Variants in NLRC4 observed in about 807,000 individuals in gnomAD.
The protein encoded by NLRC4 is NLR family CARD domain containing 4.
Under a neutral mutation model 79.9 loss-of-function variants are expected in NLRC4, and 63 were observed. The ratio of observed to expected loss-of-function variants is 0.79; its 90% CI spans 0.64 to 0.97. The LOEUF (loss-of-function observed/expected upper bound fraction) is 0.97, where lower values mean the gene tolerates loss of function less well. NLRC4 is among the 50% of genes least tolerant of loss of function. NLRC4 has a pLI of 0.00. For missense variants in NLRC4, 1,074 were observed against 1,215.2 expected (o/e 0.88, Z 1.73); for synonymous variants, 461 against 456.5 (o/e 1.01, Z -0.12).
intron 4 of NLRC4, among the ~76,000 whole-genome samples, chr2:32,241,369 C>CTT (rs34150887): frequency 0.015 from 1,135 of 74,348 alleles, 23 homozygotes; most frequent in African/African-American, 0.037. Flanking sequence ...AAAAAATTTC[C>CTT]TTTTTTTTTT....
At chr2:32,235,670 C>G in intron 7 of NLRC4, 102 bp from the exon 8 acceptor site, 1 of 923,834 alleles carries the variant, frequency 1.1e-6, no homozygotes, top group Non-Finnish European at 1.6e-6. Context: ...GGTGGCTCTG[C>G]AGCCTACTCA....
At chr2:32,225,583 A>T (rs931186437) in intron 8 of NLRC4, among the ~76,000 whole-genome samples, 23 of 152,204 alleles carry the variant, frequency 1.5e-4, no homozygotes, top group Admixed American at 1.5e-3. Flanking sequence ...ATTGGCCAGT[A>T]TACAACATTA....
Position 32,235,554 on chromosome 2 carries a change from C to T in NLRC4, c.2629G>A (p.Val877Met), listed in dbSNP as rs147021864. The T allele has an allele frequency of 8.5e-5, 137 of 1,613,808 alleles. No individual in the cohort carries two copies. The highest frequency in any genetic ancestry group is 6.6e-4 in the Middle Eastern group (4 of 6,060). ...ALHELIDRMN[V>M]LEQLTALMLP... is the part of the protein sequence containing the mutation. The stretch of plus-strand genomic sequence containing the variant: ...ATCAGTGCGGTGAGCTGTTCTAGCA[C>T]GTTCATCCTGTCGACTGGAAGAAAC... Residue 877 changes from valine to methionine, a missense_variant, in exon 8 of 9, where the codon GTG becomes ATG. By Grantham distance (21) the Val-to-Met change is conservative. Coordinates refer to ENST00000402280, the MANE Select transcript of NLRC4 (RefSeq NM_001199138.2).
rs61741169 is a variant in NLRC4 at position 32,249,994 on chromosome 2, A to G, written c.1870T>C (p.Trp624Arg). The G allele has an allele frequency of 1.2e-6, 2 of 1,614,144 alleles. No homozygotes were observed. The highest frequency in any genetic ancestry group is 1.3e-5 in the African/African-American group (1 of 75,020). ...LDFYGGAMAS[W>R]EKAAEDTGGI... ...CCTGTGTCTTCTGCAGCCTTTTCCC[A>G]TGAAGCCATAGCTCCCCCATAAAAG... Residue 624 changes from tryptophan (W) to arginine (R), a missense_variant, in exon 4 of 9, where the codon TGG (tryptophan) becomes CGG (arginine). Coordinates refer to ENST00000402280, the MANE Select transcript of NLRC4 (RefSeq NM_001199138.2).
intron 8 of NLRC4, among the ~76,000 whole-genome samples, chr2:32,225,962 A>G (rs962614023): frequency 2.0e-5 from 3 of 152,240 alleles, no homozygotes; most frequent in South Asian, 2.1e-4. Flanking sequence ...ATGAAGGTCC[A>G]TGATTCAGTT....
chr2:32,227,026 C>G (rs1686418980), intron 8 of NLRC4, among the ~76,000 whole-genome samples: 1 of 152,122 alleles, frequency 6.6e-6, no homozygotes. Context: ...AAATTTTTGC[C>G]AAGGAAGTAT....
In NLRC4 at chr2:32,260,143, C is replaced by A. The variant is rs187849677; in HGVS notation, c.-118-3250G>T. On this transcript the variant is annotated intron_variant, in intron 1 of 8. Transcript: ENST00000402280. Reference sequence around the variant, plus strand: ...ACTTGGGAGGCTGAGGCAGGAGAATCACTTGAACCCAGGAAGCGGAGGTTG... The same window carrying A: ...ACTTGGGAGGCTGAGGCAGGAGAATAACTTGAACCCAGGAAGCGGAGGTTG... Among the ~76,000 whole-genome samples, 487 of 140,802 alleles carry A rather than the reference C, an allele frequency of 3.5e-3. 7 individuals are homozygous for A. The highest frequency in any genetic ancestry group is 0.012 in the African/African-American group (459 of 38,478). The allele number at this position is 140,802 out of a possible 152,430, so 92.4% of individuals were successfully genotyped here.
At chr2:32,255,811 G>T (rs1017193276) in intron 2 of NLRC4, among the ~76,000 whole-genome samples, 1 of 151,940 alleles carries the variant, frequency 6.6e-6, no homozygotes, top group African/African-American at 2.4e-5. Flanking sequence ...TCAGGAGATC[G>T]AGATCATCCT....
At position 32,249,974 on chromosome 2, in the gene NLRC4, G is replaced by A. The variant is rs1204865442; in HGVS notation, c.1890C>T (p.Asp630=). 1 of 1,614,068 alleles carries A rather than the reference G, an allele frequency of 6.2e-7. No homozygotes were observed. Among genetic ancestry groups the A allele is most frequent in the African/African-American group, 1.3e-5 (1 of 74,916 alleles). Residue 630 remains aspartate (D), a synonymous_variant, in exon 4 of 9, where the codon GAC becomes GAT. Transcript: ENST00000402280. ...AMASWEKAAE[D]TGGIHMEEAP... ...CCTCTTCCATGTGGATTCCACCTGT[G>A]TCTTCTGCAGCCTTTTCCCATGAAG... is the stretch of plus-strand genomic sequence containing the variant.
At chr2:32,264,090 G>A (rs1479285196) in intron 1 of NLRC4, among the ~76,000 whole-genome samples, 3 of 152,084 alleles carry the variant, frequency 2.0e-5, no homozygotes, top group African/African-American at 4.8e-5. Context: ...AGTCCACCTC[G>A]TTCCTTTCAG....
At chr2:32,233,930 T>G (rs1686612901) in intron 8 of NLRC4, among the ~76,000 whole-genome samples, 1 of 152,214 alleles carries the variant, frequency 6.6e-6, no homozygotes, top group South Asian at 2.1e-4. Flanking sequence ...TCTTTAGCTC[T>G]AACAATATTT....
chr2:32,232,651 C>G (rs1027162667), intron 8 of NLRC4, among the ~76,000 whole-genome samples: 1 of 152,106 alleles, frequency 6.6e-6, no homozygotes, highest in African/African-American at 2.4e-5. Context: ...AGAATTTCAG[C>G]TATTAAAGAC....
Position 32,251,252 on chromosome 2 carries a change from A to G in NLRC4, c.612T>C (p.Arg204=), listed in dbSNP as rs1372078490. 6.2e-7 allele frequency: 1 copy of G among 1,614,176 alleles called. No homozygotes were observed. The highest frequency in any genetic ancestry group is 1.7e-5 in the Admixed American group (1 of 60,018). Residue 204 remains arginine, a synonymous_variant, in exon 4 of 9, where the codon CGT becomes CGC. Transcript: ENST00000402280. ...LTKFKFVFFL[R]LSRAQGGLFE... The stretch of plus-strand genomic sequence containing the variant: ...AAAGTCCACCCTGGGCCCTGCTGAG[A>G]CGGAGGAAGAAGACGAATTTGAACT...
chr2:32,238,172 TAATTG>T lies in NLRC4; in HGVS notation c.2476_2480del (p.Gln826SerfsTer27). 1 of 1,613,834 alleles carries T rather than the reference TAATTG, an allele frequency of 6.2e-7. No individual in the cohort carries two copies. Among genetic ancestry groups the T allele is most frequent in the Non-Finnish European group, 8.5e-7 (1 of 1,179,906 alleles). ...CATTTGCAGACAAGCAGCAGGAGAC[TAATTG>T]AATTTCTTCAAGGTCACAGGGTTCA... On this transcript the variant is annotated frameshift_variant, in exon 6 of 9. Transcript: ENST00000402280. LOFTEE classifies it high-confidence loss of function.
At chr2:32,231,546 ACTTT>A (rs1005410238) in intron 8 of NLRC4, among the ~76,000 whole-genome samples, 18 of 106,610 alleles carry the variant, frequency 1.7e-4, no homozygotes, top group African/African-American at 4.6e-4. Context: ...TTGTATTTTC[ACTTT>A]CTTTCTTTTT....
chr2:32,249,649 T>C lies in NLRC4; in HGVS notation c.2215A>G (p.Lys739Glu). 1 of 1,611,312 alleles carries C rather than the reference T, an allele frequency of 6.2e-7. No individual in the cohort carries two copies. The highest frequency in any genetic ancestry group is 8.5e-7 in the Non-Finnish European group (1 of 1,178,966). ...ERHITSVTNL[K>E]TLSIHDLQNQ... The stretch of plus-strand genomic sequence containing the variant: ...TGTAGGTCATGAATACTCAAGGTTT[T>C]CAGGTTTGTTACAGATGTGATGTGC... The change falls in exon 4 of 9, where the codon AAA becomes GAA. Residue 739 changes from lysine (K) to glutamate (E), a missense_variant. By Grantham distance (56) the Lys-to-Glu change is moderately conservative. Transcript: ENST00000402280.
chr2:32,264,432 T>C (rs1478769830), intron 1 of NLRC4, among the ~76,000 whole-genome samples: 2 of 110,798 alleles, frequency 1.8e-5, no homozygotes, highest in African/African-American at 3.5e-5. Context: ...AGACTCTGTC[T>C]CAAAAAAAAA....
intron 8 of NLRC4, among the ~76,000 whole-genome samples, chr2:32,231,580 G>GGGT (rs1553342730): frequency 3.8e-5 from 4 of 106,580 alleles, no homozygotes; most frequent in Non-Finnish European, 7.9e-5. Context: ...TTTGTGGGGG[G>GGGT]GGGGTGGGGG....
chr2:32,240,216 G>C (rs1017199162), intron 5 of NLRC4, among the ~76,000 whole-genome samples: 13 of 152,018 alleles, frequency 8.6e-5, no homozygotes, highest in Admixed American at 8.5e-4. Context: ...CCTGAACTCA[G>C]GTGATCCATC....
Sources: gnomAD v4.1 joint callset for allele counts (sites outside exome capture counted in the v4.1 genomes callset) on GRCh38, gnomAD v4.1.1 for gene constraint, MANE v1.5 for transcripts, NCBI Gene and HGNC (gene_info 2026-07-23, HGNC 2026-07-21) for gene names.